The following SOX6 variants were observed in gnomAD, a reference collection of about 807,000 sequenced individuals.
SOX6 encodes SRY-box transcription factor 6.
SOX6 carries 11 observed loss-of-function variants against 97.8 expected under a neutral mutation model. The ratio of observed to expected loss-of-function variants is 0.11; its 90% CI spans 0.07 to 0.19. The LOEUF (loss-of-function observed/expected upper bound fraction) is 0.19. Ranked by LOEUF, SOX6 falls within the 10% of genes least tolerant of loss-of-function variation. SOX6 has a pLI of 1.00. For missense variants in SOX6, 810 were observed against 1,039.5 expected, an observed-to-expected ratio of 0.78 and a Z score of 3.04; for synonymous variants, 360 against 371.4, an observed-to-expected ratio of 0.97 and a Z score of 0.35.
At chr11:16,669,234 G>T (rs1301818360) in intron 3 of SOX6, among the ~76,000 whole-genome samples, 1 of 152,158 alleles carries the variant, frequency 6.6e-6, no homozygotes, top group Non-Finnish European at 1.5e-5. Context: ...TCAATAACAA[G>T]AGGAATCTTG....
intron 4 of SOX6, among the ~76,000 whole-genome samples, chr11:16,578,628 T>C (rs1406038439): frequency 6.6e-6 from 1 of 152,162 alleles, no homozygotes; most frequent in Non-Finnish European, 1.5e-5. Context: ...TTTTGTTAGA[T>C]TTCCTTTTTC....
intron 2 of SOX6, among the ~76,000 whole-genome samples, chr11:16,724,228 C>A (rs1362932432): frequency 6.6e-6 from 1 of 152,114 alleles, no homozygotes; most frequent in Non-Finnish European, 1.5e-5. Flanking sequence ...AACATGTATA[C>A]CATATGTGAA....
At chr11:16,720,829 T>C (rs1848255454) in intron 2 of SOX6, among the ~76,000 whole-genome samples, 1 of 152,252 alleles carries the variant, frequency 6.6e-6, no homozygotes, top group South Asian at 2.1e-4. Flanking sequence ...AAAATATCCA[T>C]GAGGAAACAA....
intron 3 of SOX6, among the ~76,000 whole-genome samples, chr11:16,707,327 G>A (rs1848145389): frequency 6.6e-6 from 1 of 150,902 alleles, no homozygotes; most frequent in Admixed American, 6.6e-5. Context: ...CAAACTTAAT[G>A]AGGAATGTTA....
intron 13 of SOX6, among the ~76,000 whole-genome samples, chr11:16,010,643 G>T (rs1307264027): frequency 7.2e-5 from 11 of 151,958 alleles, no homozygotes; most frequent in Non-Finnish European, 2.9e-5. Flanking sequence ...TATTTAAAAA[G>T]CCAAGTCTCA....
chr11:16,256,400 C>CA (rs1853686956), intron 3 of SOX6, among the ~76,000 whole-genome samples: 1 of 151,814 alleles, frequency 6.6e-6, no homozygotes. Flanking sequence ...GCTCACCACT[C>CA]AAAAAATCAA....
At position 16,439,672 on chromosome 11, in the gene SOX6, C is replaced by T. The variant is rs1334278973; in HGVS notation, c.-5+36643G>A. Reference sequence around the variant, plus strand: ...GAGTTCAGATCTTGAGATTCCTCTTCCATAAAATTTTATTCACAAACTGTC... The same window carrying T: ...GAGTTCAGATCTTGAGATTCCTCTTTCATAAAATTTTATTCACAAACTGTC... On this transcript the variant is annotated intron_variant, in intron 1 of 15. Transcript: ENST00000396356. 2.0e-5 allele frequency among the ~76,000 whole-genome samples: 3 copies of T among 152,160 alleles called. No homozygotes were observed. The East Asian group carries it at 5.8e-4, about 29-fold the overall frequency.
At chr11:16,427,664 A>G (rs533252911) in intron 1 of SOX6, among the ~76,000 whole-genome samples, 4 of 152,044 alleles carry the variant, frequency 2.6e-5, no homozygotes, top group South Asian at 2.1e-4. Flanking sequence ...TGAACTCATC[A>G]TTTTTTATGG....
chr11:16,464,060 A>G (rs1333761012), intron 1 of SOX6, among the ~76,000 whole-genome samples: 4 of 152,196 alleles, frequency 2.6e-5, no homozygotes, highest in African/African-American at 9.7e-5. Flanking sequence ...TCACTGTAAG[A>G]GATCTTTCTA....
At chr11:16,245,930 A>G (rs1366749838) in intron 3 of SOX6, among the ~76,000 whole-genome samples, 1 of 151,404 alleles carries the variant, frequency 6.6e-6, no homozygotes, top group African/African-American at 2.4e-5. Context: ...ATTTAGATTT[A>G]ATGTAATAAC....
intron 1 of SOX6, among the ~76,000 whole-genome samples, chr11:16,428,906 T>C (rs1436097987): frequency 2.0e-5 from 3 of 152,174 alleles, no homozygotes; most frequent in Non-Finnish European, 4.4e-5. Context: ...AATCTATAAA[T>C]TACCTTGGGC....
At chr11:16,664,481 G>A (rs988692675) in intron 3 of SOX6, among the ~76,000 whole-genome samples, 5 of 152,198 alleles carry the variant, frequency 3.3e-5, no homozygotes, top group Admixed American at 1.3e-4. Flanking sequence ...GCTGGTGCCT[G>A]TGGAGGGAGC....
In SOX6 at chr11:16,040,836, G is replaced by A. The variant is rs200613519; in HGVS notation, c.1623+5678C>T. Among the ~76,000 whole-genome samples, 10 of 152,098 alleles carry A rather than the reference G, an allele frequency of 6.6e-5. No individual in the cohort carries two copies. In the East Asian group the frequency reaches 1.9e-3, roughly 29 times the overall value. On this transcript the variant is annotated intron_variant, in intron 12 of 15. Transcript: ENST00000683767. ...CAGTAATACCGACATCCCTGAATTT[G>A]GAAAGGTTTAAGAGCGAATATATAT...
intron 6 of SOX6, among the ~76,000 whole-genome samples, chr11:16,177,911 A>C (rs1851242959): frequency 6.6e-6 from 1 of 152,004 alleles, no homozygotes; most frequent in East Asian, 1.9e-4. Context: ...GTTTCCCTGA[A>C]TTTTTAGTAC....
chr11:16,704,977 G>A (rs1000971209), intron 3 of SOX6, among the ~76,000 whole-genome samples: 3 of 152,182 alleles, frequency 2.0e-5, no homozygotes, highest in African/African-American at 2.4e-5. Context: ...TAGGCATCAG[G>A]CCAGGTGTGG....
At chr11:16,029,820 A>G (rs1855315545) in intron 12 of SOX6, among the ~76,000 whole-genome samples, 1 of 152,222 alleles carries the variant, frequency 6.6e-6, no homozygotes, top group Non-Finnish European at 1.5e-5. Context: ...ATGACTTAAG[A>G]GAAGATCATG....
chr11:16,570,094 T>A (rs1311207767), intron 4 of SOX6, among the ~76,000 whole-genome samples: 1 of 152,092 alleles, frequency 6.6e-6, no homozygotes, highest in Non-Finnish European at 1.5e-5. Flanking sequence ...GCCTTAAGTG[T>A]CAATGGAAAA....
chr11:16,167,276 C>T (rs948812990), intron 6 of SOX6, among the ~76,000 whole-genome samples: 1 of 152,152 alleles, frequency 6.6e-6, no homozygotes. Flanking sequence ...ACTTTCCTCT[C>T]TCCTTTTCAC....
Position 16,483,225 on chromosome 11 carries a change from G to T in SOX6, n.610-6837C>A, listed in dbSNP as rs115449981. 9.1e-3 allele frequency among the ~76,000 whole-genome samples: 1,378 copies of T among 152,194 alleles called. 21 individuals are homozygous for T. The highest frequency in any genetic ancestry group is 0.032 in the African/African-American group (1,317 of 41,500). ...ATAAGAGGCAATTATACCTAGCACA[G>T]CAAGTATAATATAGTAAATGCTGAT... On this transcript the variant is annotated intron_variant and non_coding_transcript_variant, in intron 4 of 5. Coordinates refer to the SOX6 transcript ENST00000524520.
Sources: gnomAD v4.1 joint callset for allele counts (sites outside exome capture counted in the v4.1 genomes callset) on GRCh38, gnomAD v4.1.1 for gene constraint, MANE v1.5 for transcripts, NCBI Gene and HGNC (gene_info 2026-07-23, HGNC 2026-07-21) for gene names.